HTR1F: variants seen among roughly 807,000 people sequenced by gnomAD.
HTR1F encodes the protein 5-hydroxytryptamine (serotonin) receptor 1F, G protein-coupled.
In HTR1F, 17 loss-of-function variants were observed where a neutral mutation model predicts 24.0. That is an observed-to-expected ratio of 0.71 (90% confidence interval 0.48 to 1.06). The LOEUF is 1.06. Among genes scored for constraint, HTR1F ranks in the 50% least tolerant of loss-of-function variants. The pLI, the probability that HTR1F is intolerant of heterozygous loss-of-function variation, is 0.00. For missense variants in HTR1F, 391 were observed against 427.8 expected (o/e 0.91, Z 0.76); for synonymous variants, 186 against 156.8 (o/e 1.19, Z -1.39).
At chr3:87,910,450 A>C (rs182141813) in intron 2 of HTR1F, 1 of 152,188 alleles carries the variant, frequency 6.6e-6, no homozygotes, top group African/African-American at 2.4e-5. Context: ...CACCCAACAC[A>C]GAAGCACCCA....
At chr3:87,818,321 C>G (rs1430922269) in intron 1 of HTR1F, among the ~76,000 whole-genome samples, 2 of 152,138 alleles carry the variant, frequency 1.3e-5, no homozygotes. Context: ...GGAAGGGTGA[C>G]AGTGGAGCAG....
At chr3:87,867,130 T>G (rs1705447333) in intron 2 of HTR1F, among the ~76,000 whole-genome samples, 1 of 151,886 alleles carries the variant, frequency 6.6e-6, no homozygotes, top group Non-Finnish European at 1.5e-5. Context: ...AGCCATGAAA[T>G]CTTCCAGAAC....
intron 2 of HTR1F, among the ~76,000 whole-genome samples, chr3:87,841,140 A>G (rs1288058413): frequency 6.6e-6 from 1 of 151,950 alleles, no homozygotes; most frequent in Non-Finnish European, 1.5e-5. Context: ...GCCGGATTTA[A>G]TCATTCTACA....
chr3:87,967,574 G>A (rs1011010282), intron 2 of HTR1F, among the ~76,000 whole-genome samples: 2 of 87,846 alleles, frequency 2.3e-5, no homozygotes, highest in African/African-American at 7.2e-5. Context: ...CCGGTGGGAG[G>A]TAATTGAATC....
intron 2 of HTR1F, among the ~76,000 whole-genome samples, chr3:87,855,438 T>A (rs924859633): frequency 6.6e-6 from 1 of 152,044 alleles, no homozygotes; most frequent in African/African-American, 2.4e-5. Context: ...CACACCTTTC[T>A]CCAAAACAGA....
At chr3:87,915,923 A>C (rs1476689692) in intron 2 of HTR1F, among the ~76,000 whole-genome samples, 1 of 152,168 alleles carries the variant, frequency 6.6e-6, no homozygotes, top group Non-Finnish European at 1.5e-5. Context: ...TCTAAAGTTA[A>C]GATAAAGGAA....
chr3:87,936,755 A>G (rs1016455476), intron 2 of HTR1F, among the ~76,000 whole-genome samples: 4 of 152,172 alleles, frequency 2.6e-5, no homozygotes, highest in African/African-American at 9.7e-5. Context: ...GGACAGCCAG[A>G]GCTCTTAGTA....
chr3:87,913,897 G>A (rs1273398643), intron 2 of HTR1F, among the ~76,000 whole-genome samples: 1 of 152,100 alleles, frequency 6.6e-6, no homozygotes, highest in Non-Finnish European at 1.5e-5. Context: ...GCTCTGACTT[G>A]GACAGACAGA....
At chr3:87,982,043 T>C (rs988106066) in intron 2 of HTR1F, among the ~76,000 whole-genome samples, 1 of 152,176 alleles carries the variant, frequency 6.6e-6, no homozygotes, top group African/African-American at 2.4e-5. Context: ...ATGTCCAAGC[T>C]TTCCGAGTAG....
At chr3:87,990,616 A>G (rs1284418911) in intron 2 of HTR1F, 92 bp from the exon 3 acceptor site, 6 of 637,296 alleles carry the variant, frequency 9.4e-6, no homozygotes, top group Non-Finnish European at 1.6e-5. Context: ...TTCTGGGTAA[A>G]CATAACATAC....
At chr3:87,990,101 C>A (rs1299370389) in intron 2 of HTR1F, among the ~76,000 whole-genome samples, 1 of 152,136 alleles carries the variant, frequency 6.6e-6, no homozygotes, top group Non-Finnish European at 1.5e-5. Flanking sequence ...TGGGGAGTTC[C>A]TTTAGACCCC....
chr3:87,915,363 T>C (rs1703870209), intron 2 of HTR1F, among the ~76,000 whole-genome samples: 1 of 152,020 alleles, frequency 6.6e-6, no homozygotes, highest in Non-Finnish European at 1.5e-5. Flanking sequence ...AACCCCTGAA[T>C]TACCTGAAAA....
At chr3:87,981,122 G>A (rs1257757519) in intron 2 of HTR1F, among the ~76,000 whole-genome samples, 1 of 152,198 alleles carries the variant, frequency 6.6e-6, no homozygotes, top group Non-Finnish European at 1.5e-5. Flanking sequence ...TGGTCTGTTT[G>A]CAGCAACCTC....
At chr3:87,939,588 G>C (rs1704511036) in intron 2 of HTR1F, among the ~76,000 whole-genome samples, 2 of 152,114 alleles carry the variant, frequency 1.3e-5, no homozygotes, top group Non-Finnish European at 2.9e-5. Flanking sequence ...ACTTCTTCCT[G>C]CTTTGGTCTT....
chr3:87,907,210 A>G (rs1703686591), intron 2 of HTR1F, among the ~76,000 whole-genome samples: 1 of 132,468 alleles, frequency 7.5e-6, no homozygotes, highest in African/African-American at 3.4e-5. Context: ...TTTTTTTTTG[A>G]TTATTGGTCA....
chr3:87,801,220 G>A (rs1424906545), intron 1 of HTR1F, among the ~76,000 whole-genome samples: 1 of 152,070 alleles, frequency 6.6e-6, no homozygotes, highest in South Asian at 2.1e-4. Context: ...GCTTATCTAG[G>A]ATTCAAAGCT....
At chr3:87,878,696 GA>G (rs1705723435) in intron 2 of HTR1F, among the ~76,000 whole-genome samples, 1 of 151,460 alleles carries the variant, frequency 6.6e-6, no homozygotes, top group Non-Finnish European at 1.5e-5. Flanking sequence ...CACACACACA[GA>G]TTTTTTTTTG....
chr3:87,987,011 C>G (rs1705676427), intron 2 of HTR1F, among the ~76,000 whole-genome samples: 1 of 151,934 alleles, frequency 6.6e-6, no homozygotes, highest in Admixed American at 6.6e-5. Flanking sequence ...GAGGCTGAGG[C>G]ACAAGAATTG....
intron 2 of HTR1F, among the ~76,000 whole-genome samples, chr3:87,838,446 C>G (rs778504455): frequency 2.1e-4 from 32 of 152,046 alleles, no homozygotes; most frequent in Non-Finnish European, 1.9e-4. Flanking sequence ...TTTTCCATCT[C>G]TATAATTTTG....
Sources: gnomAD v4.1 joint callset for allele counts (sites outside exome capture counted in the v4.1 genomes callset) on GRCh38, gnomAD v4.1.1 for gene constraint, MANE v1.5 for transcripts, NCBI Gene and HGNC (gene_info 2026-07-23, HGNC 2026-07-21) for gene names.